PPM1E: variants seen among roughly 807,000 people sequenced by gnomAD.
PPM1E encodes protein phosphatase 1E.
PPM1E carries 20 observed loss-of-function variants against 65.9 expected under a neutral mutation model. The ratio of observed to expected loss-of-function variants is 0.30; its 90% CI spans 0.21 to 0.44. The LOEUF is 0.44. Ranked by LOEUF, PPM1E falls within the 20% of genes least tolerant of loss-of-function variation. The pLI, the probability that PPM1E is intolerant of heterozygous loss-of-function variation, is 1.00. For missense variants in PPM1E, 713 were observed against 953.1 expected, an observed-to-expected ratio of 0.75 and a Z score of 3.32; for synonymous variants, 352 against 374.9, an observed-to-expected ratio of 0.94 and a Z score of 0.70.
In PPM1E at chr17:58,755,963, C is replaced by T; in HGVS notation, c.-35C>T. 1.2e-6 allele frequency: 2 copies of T among 1,613,388 alleles called. No individual in the cohort carries two copies. Among genetic ancestry groups the T allele is most frequent in the Non-Finnish European group, 1.7e-6 (2 of 1,179,572 alleles). On this transcript the variant is annotated 5_prime_UTR_variant, in exon 1 of 7. Coordinates refer to ENST00000308249, the MANE Select transcript of PPM1E (RefSeq NM_014906.5). ...CTTACCCTTCCTGGGCTTCCCCCAA[C>T]CCCTTTCCCGGTCTGCCCTGGGGCA... is the stretch of plus-strand genomic sequence containing the variant.
chr17:58,757,433 C>T (rs2049779908), intron 1 of PPM1E, among the ~76,000 whole-genome samples: 1 of 152,112 alleles, frequency 6.6e-6, no homozygotes, highest in Non-Finnish European at 1.5e-5. Flanking sequence ...TGGAATTGTT[C>T]CGAAATAATG....
intron 1 of PPM1E, among the ~76,000 whole-genome samples, chr17:58,830,250 T>G (rs2143173307): frequency 6.6e-6 from 1 of 152,042 alleles, no homozygotes; most frequent in African/African-American, 2.4e-5. Flanking sequence ...TTTGAAGGCA[T>G]TAGTCTGTTG....
At chr17:58,798,697 CTT>C (rs1033891786) in intron 1 of PPM1E, among the ~76,000 whole-genome samples, 5 of 150,570 alleles carry the variant, frequency 3.3e-5, no homozygotes, top group Admixed American at 1.3e-4. Context: ...TTCTTTTCTT[CTT>C]TTTTTTTCTT....
chr17:58,915,959 T>G (rs6503887), intron 1 of PPM1E, among the ~76,000 whole-genome samples: 1 of 151,912 alleles, frequency 6.6e-6, no homozygotes, highest in African/African-American at 2.4e-5. Flanking sequence ...TTTACCTATG[T>G]CTACTATTCA....
At chr17:58,819,280 G>A (rs918062643) in intron 1 of PPM1E, among the ~76,000 whole-genome samples, 4 of 152,010 alleles carry the variant, frequency 2.6e-5, no homozygotes, top group Non-Finnish European at 5.9e-5. Context: ...CGTGTAGCTG[G>A]GATTATAGGC....
intron 2 of PPM1E, among the ~76,000 whole-genome samples, chr17:58,964,834 A>G (rs992691486): frequency 2.6e-5 from 4 of 152,180 alleles, no homozygotes; most frequent in Non-Finnish European, 5.9e-5. Context: ...ACCTGAGGTC[A>G]GGAGTTCAAG....
intron 1 of PPM1E, among the ~76,000 whole-genome samples, chr17:58,909,911 C>CTTTT (rs1297792620): frequency 1.6e-5 from 2 of 126,270 alleles, no homozygotes; most frequent in African/African-American, 2.9e-5. Context: ...TTCTTTCTTT[C>CTTTT]TTTTTTCTTT....
chr17:58,879,626 C>T (rs940264491), intron 1 of PPM1E, among the ~76,000 whole-genome samples: 1 of 150,542 alleles, frequency 6.6e-6, no homozygotes, highest in Non-Finnish European at 1.5e-5. Context: ...CTCCTGCCTC[C>T]GCCTCCTGAG....
rs59217561 is a variant in PPM1E, at chr17:58,827,901, C to CAAAAAA, written c.464+71447_464+71452dup. Among the ~76,000 whole-genome samples the CAAAAAA allele has an allele frequency of 2.6e-5, 3 of 113,260 alleles. 1 individual carries two copies. The Admixed American group carries it at 2.7e-4, about 10-fold the overall frequency. 74.3% of individuals were successfully genotyped at this position (113,260 alleles called of 152,430 possible). ...TGGGCGACAGAGCGAGACTCCATCT[C>CAAAAAA]AAAAAAAAAAAATAATAATAATAAT... On this transcript the variant is annotated intron_variant, in intron 1 of 6. Coordinates refer to ENST00000308249, the MANE Select transcript of PPM1E (RefSeq NM_014906.5).
intron 1 of PPM1E, among the ~76,000 whole-genome samples, chr17:58,931,605 GA>G (rs1306168331): frequency 6.6e-6 from 1 of 151,796 alleles, no homozygotes; most frequent in Non-Finnish European, 1.5e-5. Flanking sequence ...CAGAAAAAAA[GA>G]AAAAAACATA....
intron 1 of PPM1E, among the ~76,000 whole-genome samples, chr17:58,759,143 C>A (rs2049798393): frequency 6.6e-6 from 1 of 152,092 alleles, no homozygotes. Context: ...GTGGTGTGAA[C>A]CTGTAGTCCC....
At chr17:58,935,953 T>A (rs1336616968) in intron 1 of PPM1E, among the ~76,000 whole-genome samples, 1 of 151,950 alleles carries the variant, frequency 6.6e-6, no homozygotes, top group East Asian at 1.9e-4. Flanking sequence ...GTATATCTCC[T>A]AATGCTATCT....
chr17:58,825,051 A>G (rs2050519798), intron 1 of PPM1E, among the ~76,000 whole-genome samples: 3 of 151,994 alleles, frequency 2.0e-5, no homozygotes, highest in South Asian at 4.1e-4. Context: ...GAGGGATAAA[A>G]GACTACAAAT....
chr17:58,973,610 C>T (rs2030790969), intron 6 of PPM1E, among the ~76,000 whole-genome samples: 1 of 151,080 alleles, frequency 6.6e-6, no homozygotes, highest in Non-Finnish European at 1.5e-5. Context: ...GAGTTAAAGA[C>T]CAGCCTGGGC....
At chr17:58,818,649 G>A (rs1174091409) in intron 1 of PPM1E, among the ~76,000 whole-genome samples, 5 of 152,132 alleles carry the variant, frequency 3.3e-5, no homozygotes, top group Non-Finnish European at 4.4e-5. Context: ...CCATATATGA[G>A]CCAATGATAA....
At chr17:58,956,525 A>G (rs1403484549) in intron 2 of PPM1E, among the ~76,000 whole-genome samples, 1 of 152,122 alleles carries the variant, frequency 6.6e-6, no homozygotes, top group East Asian at 1.9e-4. Flanking sequence ...CAGTTGTAAC[A>G]CAACTTCTCA....
chr17:58,872,226 G>A (rs1470312905), intron 1 of PPM1E, among the ~76,000 whole-genome samples: 1 of 152,170 alleles, frequency 6.6e-6, no homozygotes, highest in Non-Finnish European at 1.5e-5. Context: ...GAACCCAGGA[G>A]GCGGAGGTTG....
intron 1 of PPM1E, among the ~76,000 whole-genome samples, chr17:58,808,164 G>A (rs1028832482): frequency 2.6e-5 from 4 of 152,086 alleles, no homozygotes; most frequent in Non-Finnish European, 5.9e-5. Flanking sequence ...TGTTAAATTG[G>A]TGATTTGTTT....
At chr17:58,762,877 G>A (rs904949403) in intron 1 of PPM1E, among the ~76,000 whole-genome samples, 16 of 144,502 alleles carry the variant, frequency 1.1e-4, no homozygotes, top group Non-Finnish European at 1.6e-4. Context: ...CAGCCTGGGC[G>A]ACAGAGCGAG....
Sources: gnomAD v4.1 joint callset for allele counts (sites outside exome capture counted in the v4.1 genomes callset) on GRCh38, gnomAD v4.1.1 for gene constraint, MANE v1.5 for transcripts, NCBI Gene and HGNC (gene_info 2026-07-23, HGNC 2026-07-21) for gene names.